The following GABRP variants were observed in gnomAD, a reference collection of about 807,000 sequenced individuals.
The protein encoded by GABRP is gamma-aminobutyric acid receptor subunit pi.
GABRP carries 52 observed loss-of-function variants against 47.8 expected under a neutral mutation model. The ratio of observed to expected loss-of-function variants is 1.09; its 90% confidence interval spans 0.87 to 1.37. GABRP has a LOEUF of 1.37. Among genes scored for constraint, GABRP ranks in the 40% most tolerant of loss-of-function variants. The pLI is 0.00. For missense variants in GABRP, 525 were observed against 542.8 expected (o/e 0.97, Z 0.33); for synonymous variants, 221 against 205.8 (o/e 1.07, Z -0.63).
rs752865712 is a variant in GABRP, at chr5:170,808,666, C to T, written c.746C>T (p.Thr249Ile). 10 of 1,614,002 alleles carry T rather than the reference C, an allele frequency of 6.2e-6. No homozygotes were observed. The highest frequency in any genetic ancestry group is 8.5e-6 in the Non-Finnish European group (10 of 1,179,866). Residue 249 changes from threonine (T) to isoleucine (I), a missense_variant, in exon 8 of 10, where the codon ACC becomes ATC. By Grantham distance (89) the Thr-to-Ile change is moderately conservative. Transcript: ENST00000265294. ...AATGTTCTGTATTTCATTTTGGAAA[C>T]CTACGTTCCTTCCACTTTCCTGGTG... ...RRNVLYFILE[T>I]YVPSTFLVVL...
intron 9 of GABRP, among the ~76,000 whole-genome samples, chr5:170,810,431 A>T (rs1303357925): frequency 6.6e-6 from 1 of 151,716 alleles, no homozygotes; most frequent in Non-Finnish European, 1.5e-5. Flanking sequence ...ACAAGAAGGG[A>T]AAGAGACTTA....
intron 3 of GABRP, among the ~76,000 whole-genome samples, chr5:170,789,963 G>GC (rs1428643520): frequency 6.6e-6 from 1 of 152,004 alleles, no homozygotes; most frequent in Non-Finnish European, 1.5e-5. Context: ...ATTCCTCCAG[G>GC]CCCCATCCCC....
Position 170,808,628 on chromosome 5 carries a change from T to C in GABRP, c.708T>C (p.Phe236=). The change falls in exon 8 of 10, where the codon TTT becomes TTC. Residue 236 remains phenylalanine, a synonymous_variant. Transcript: ENST00000265294. Reference sequence around the variant, plus strand: ...ATTACACTAGATTGGTCTTACAGTTTGAGCTTCGGAGGAATGTTCTGTATT... The same window carrying C: ...ATTACACTAGATTGGTCTTACAGTTCGAGCTTCGGAGGAATGTTCTGTATT... The part of the protein sequence containing the change: ...TGNYTRLVLQ[F]ELRRNVLYFI... 1 of 1,610,820 alleles carries C rather than the reference T, an allele frequency of 6.2e-7. No homozygotes were observed. The highest frequency in any genetic ancestry group is 1.3e-5 in the African/African-American group (1 of 74,988).
chr5:170,802,131 T>A (rs1398659522), intron 6 of GABRP, among the ~76,000 whole-genome samples: 1 of 152,230 alleles, frequency 6.6e-6, no homozygotes, highest in Non-Finnish European at 1.5e-5. Context: ...CCTGGGGATT[T>A]GCCTGTGATG....
chr5:170,789,557 C>T (rs546390403), intron 3 of GABRP, among the ~76,000 whole-genome samples: 28 of 152,250 alleles, frequency 1.8e-4, no homozygotes, highest in South Asian at 4.2e-4. Flanking sequence ...ATTCACCATG[C>T]GCCACCAGGC....
chr5:170,798,412 C>T (rs1765495785), intron 6 of GABRP, among the ~76,000 whole-genome samples: 1 of 152,208 alleles, frequency 6.6e-6, no homozygotes, highest in African/African-American at 2.4e-5. Flanking sequence ...GGTAGCACTT[C>T]CCAAACGTTT....
chr5:170,789,774 T>C (rs1408460707), intron 3 of GABRP, among the ~76,000 whole-genome samples: 1 of 152,100 alleles, frequency 6.6e-6, no homozygotes, highest in Non-Finnish European at 1.5e-5. Flanking sequence ...CTCCTTCCCC[T>C]CCTACAATGC....
intron 5 of GABRP, 107 bp from the exon 6 acceptor site, chr5:170,797,359 C>T: frequency 1.4e-6 from 1 of 729,072 alleles, no homozygotes; most frequent in Non-Finnish European, 2.5e-6. Context: ...GCTACATGTT[C>T]ATTTAAGAGT....
intron 4 of GABRP, 92 bp from the exon 5 acceptor site, chr5:170,795,111 TGGGGA>T: frequency 1.2e-6 from 1 of 817,118 alleles, no homozygotes; most frequent in Non-Finnish European, 2.1e-6. Context: ...TAAGTGGAGG[TGGGGA>T]GGGGAGTAAA....
At position 170,805,862 on chromosome 5, in the gene GABRP, T is replaced by C; in HGVS notation, c.679+9T>C. 6.2e-7 allele frequency: 1 copy of C among 1,612,754 alleles called. No homozygotes were observed. Among genetic ancestry groups the C allele is most frequent in the Non-Finnish European group, 8.5e-7 (1 of 1,179,096 alleles). On this transcript the variant is annotated intron_variant, in intron 7 of 9. Coordinates refer to ENST00000265294, the MANE Select transcript of GABRP (RefSeq NM_014211.3). Reference sequence around the variant, plus strand: ...ATCGCAGCAGGAGACAGGTAACTCATGTGACAAACTGTATGAAATAAAAAT... The same window carrying C: ...ATCGCAGCAGGAGACAGGTAACTCACGTGACAAACTGTATGAAATAAAAAT...
intron 4 of GABRP, 150 bp from the exon 5 acceptor site, chr5:170,795,058 T>C: frequency 1.5e-6 from 1 of 669,702 alleles, no homozygotes; most frequent in East Asian, 2.6e-5. Flanking sequence ...ATATTGCAAT[T>C]AGAATGGTAA....
At chr5:170,783,640 C>G (rs1765058301), upstream of GABRP, 1 of 152,136 alleles carries the variant, frequency 6.6e-6, no homozygotes, top group Non-Finnish European at 1.5e-5. Context: ...GTCAGTGTCC[C>G]CACCAAGGAT....
In GABRP at chr5:170,795,238, CGCT is replaced by C; in HGVS notation, c.273_275del (p.Trp92del). On this transcript the variant is annotated inframe_deletion, in exon 5 of 10. Coordinates refer to ENST00000265294, the MANE Select transcript of GABRP (RefSeq NM_014211.3). ...CACAGCCACCATATACCTCCGACAG[CGCT>C]GGATGGACCAGCGGCTGGTGTTTGA... 1 of 1,613,562 alleles carries C rather than the reference CGCT, an allele frequency of 6.2e-7. No individual in the cohort carries two copies. The highest frequency in any genetic ancestry group is 1.1e-5 in the South Asian group (1 of 91,038).
chr5:170,784,127 C>T (rs1381525373), intron 1 of GABRP, among the ~76,000 whole-genome samples: 1 of 152,208 alleles, frequency 6.6e-6, no homozygotes, highest in African/African-American at 2.4e-5. Context: ...CGCGCCGCAC[C>T]ACTTTATCTT....
chr5:170,805,241 T>C (rs2127263512), intron 6 of GABRP, among the ~76,000 whole-genome samples: 1 of 152,198 alleles, frequency 6.6e-6, no homozygotes, highest in Non-Finnish European at 1.5e-5. Context: ...TTGAGACTTA[T>C]CTAACGTGCA....
chr5:170,793,564 A>T (rs1386050757), intron 3 of GABRP, among the ~76,000 whole-genome samples: 1 of 152,234 alleles, frequency 6.6e-6, no homozygotes, highest in Non-Finnish European at 1.5e-5. Flanking sequence ...AAGCTCAGCC[A>T]TGAGTCTTGA....
intron 3 of GABRP, 103 bp from the exon 4 acceptor site, chr5:170,794,128 A>G: frequency 2.9e-6 from 2 of 684,952 alleles, no homozygotes. Context: ...TCTAACAACC[A>G]AGCACAACTT....
intron 6 of GABRP, among the ~76,000 whole-genome samples, chr5:170,804,971 T>C (rs554862703): frequency 1.0e-5 from 1 of 97,610 alleles, no homozygotes; most frequent in Non-Finnish European, 1.8e-5. Flanking sequence ...TATACGTTTA[T>C]ATATTATATA....
At chr5:170,803,776 G>GGTTA (rs1554120275) in intron 6 of GABRP, among the ~76,000 whole-genome samples, 10 of 151,788 alleles carry the variant, frequency 6.6e-5, no homozygotes, top group Admixed American at 6.6e-4. Context: ...TTGGTTGGTT[G>GGTTA]GTTGGTTGGT....
Sources: allele counts gnomAD v4.1 joint callset (sites outside exome capture counted in the v4.1 genomes callset), GRCh38; gene constraint gnomAD v4.1.1; transcripts MANE v1.5; gene names NCBI Gene and HGNC (gene_info 2026-07-23, HGNC 2026-07-21).